Variants in TULP2 observed in about 807,000 individuals in gnomAD.
TULP2 encodes tubby-related protein 2.
A neutral mutation model predicts 60.3 loss-of-function variants in TULP2; 64 were observed. The ratio of observed to expected loss-of-function variants is 1.06; its 90% CI spans 0.87 to 1.31. The LOEUF is 1.31. TULP2 is among the 50% of genes most tolerant of loss of function. The pLI is 0.00. For missense variants in TULP2, 652 were observed against 667.0 expected (o/e 0.98, Z 0.25); for synonymous variants, 267 against 265.4 (o/e 1.01, Z -0.06).
chr19:48,891,317 C>G (rs1228696981), intron 6 of TULP2, among the ~76,000 whole-genome samples: 6 of 86,394 alleles, frequency 6.9e-5, no homozygotes, highest in Non-Finnish European at 1.4e-4. Context: ...GGGCGAGACT[C>G]CGTCTCAAAA....
chr19:48,881,169 A>G (rs990552335), intron 12 of TULP2, 43 bp from the exon 13 acceptor site: 1 of 1,242,894 alleles, frequency 8.0e-7, no homozygotes. Context: ...TGACTCTCTC[A>G]TCTCCCAGCT....
At chr19:48,894,399 T>G (rs1004956454) in intron 6 of TULP2, among the ~76,000 whole-genome samples, 48 of 152,114 alleles carry the variant, frequency 3.2e-4, no homozygotes, top group African/African-American at 1.2e-3. Context: ...TCCCAGCACT[T>G]TGGGAGGCTG....
At chr19:48,887,392 A>G (rs890495241) in intron 8 of TULP2, among the ~76,000 whole-genome samples, 4 of 128,152 alleles carry the variant, frequency 3.1e-5, no homozygotes, top group Admixed American at 9.6e-5. Context: ...TAGCGTGATC[A>G]CATCTCACTG....
In TULP2 at chr19:48,885,504, G is replaced by A; in HGVS notation, c.1005C>T (p.Ile335=). Residue 335 remains isoleucine, a synonymous_variant, in exon 9 of 13, where the codon ATC becomes ATT. Coordinates refer to ENST00000221399, the MANE Select transcript of TULP2 (RefSeq NM_003323.3). ...RRRSKTSNYL[I]SLDPTHLSRD... ...GAGATAGGTGTGTAGGATCCAGGGA[G>A]ATGAGGTAATTAGAAGTTTTGCTCC... The A allele has an allele frequency of 1.2e-6, 2 of 1,614,018 alleles. No individual in the cohort carries two copies. The highest frequency in any genetic ancestry group is 1.7e-6 in the Non-Finnish European group (2 of 1,179,942).
At position 48,890,535 on chromosome 19, in the gene TULP2, C is replaced by T. The variant is rs9676270; in HGVS notation, c.515-904G>A. 2.3e-5 allele frequency among the ~76,000 whole-genome samples: 3 copies of T among 128,170 alleles called. No homozygotes were observed. In the Admixed American group the frequency reaches 2.3e-4, roughly 10 times the overall value. 84.1% of individuals were successfully genotyped at this position (128,170 alleles called of 152,430 possible). ...CTATACTTTGTCTCTGTGTCTTTTT[C>T]TTTTCCAAGTCTCTCGTTCCACCTA... is the stretch of plus-strand genomic sequence containing the variant. On this transcript the variant is annotated intron_variant, in intron 6 of 12. Coordinates refer to ENST00000221399, the MANE Select transcript of TULP2 (RefSeq NM_003323.3).
rs544436541 is a variant in TULP2 at position 48,881,161 on chromosome 19, ACTCT to A, written c.1448-39_1448-36del. 2.9e-5 allele frequency: 38 copies of A among 1,309,166 alleles called. 1 individual carries two copies. The South Asian group carries it at 5.1e-4, about 18-fold the overall frequency. The allele number at this position is 1,309,166 out of a possible 1,614,324, so 81.1% of individuals were successfully genotyped here. On this transcript the variant is annotated intron_variant, in intron 12 of 12. Coordinates refer to ENST00000221399, the MANE Select transcript of TULP2 (RefSeq NM_003323.3). ...GAATCAGGAACAAAGCCTTAGCCTG[ACTCT>A]CTCATCTCCCAGCTTCGAGAACTGA...
intron 6 of TULP2, among the ~76,000 whole-genome samples, chr19:48,891,888 A>G (rs1009658454): frequency 6.6e-6 from 1 of 152,224 alleles, no homozygotes; most frequent in Non-Finnish European, 1.5e-5. Context: ...ACTCTGTGTC[A>G]TAAATAAGTT....
Position 48,897,464 on chromosome 19 carries a change from TC to T in TULP2, c.33-69del. 6.6e-7 allele frequency: 1 copy of T among 1,522,140 alleles called. No individual in the cohort carries two copies. 94.3% of individuals were successfully genotyped at this position (1,522,140 alleles called of 1,614,324 possible). Reference sequence around the variant, plus strand: ...TCGGTTGCCCAAGAGAGTCCCTCCTTCCCCCATCCTGCCCCTATCTCAGCTT... The same window carrying T: ...TCGGTTGCCCAAGAGAGTCCCTCCTTCCCCATCCTGCCCCTATCTCAGCTT... On this transcript the variant is annotated intron_variant, in intron 2 of 12. Transcript: ENST00000221399. This position sits in a 1 kb window ranked among gnomAD's most constrained non-coding sequence, Gnocchi z 4.0.
intron 6 of TULP2, 43 bp downstream of exon 6, chr19:48,894,955 A>C: frequency 6.3e-7 from 1 of 1,583,140 alleles, no homozygotes; most frequent in Non-Finnish European, 8.6e-7. Context: ...TTGCTGCATG[A>C]ACCAGGAGAT....
intron 7 of TULP2, among the ~76,000 whole-genome samples, chr19:48,889,295 T>G (rs762426080): frequency 2.0e-5 from 3 of 152,148 alleles, no homozygotes; most frequent in Non-Finnish European, 4.4e-5. Flanking sequence ...AATGGCCATG[T>G]CCATGTCAAG....
intron 6 of TULP2, among the ~76,000 whole-genome samples, chr19:48,892,189 G>A (rs2037239192): frequency 6.6e-6 from 1 of 152,196 alleles, no homozygotes; most frequent in Non-Finnish European, 1.5e-5. Context: ...CGGGCTGGGG[G>A]ACCGTCAGGT....
At chr19:48,889,921 A>G (rs961826157) in intron 6 of TULP2, among the ~76,000 whole-genome samples, 1 of 152,220 alleles carries the variant, frequency 6.6e-6, no homozygotes, top group Admixed American at 6.5e-5. Flanking sequence ...CCAGGGACAC[A>G]AACACCGCGG....
intron 9 of TULP2, among the ~76,000 whole-genome samples, 197 bp from the exon 10 acceptor site, chr19:48,884,243 A>G (rs1464568187): frequency 2.7e-5 from 4 of 149,994 alleles, no homozygotes; most frequent in African/African-American, 9.8e-5. Context: ...GCAGGAGGAT[A>G]GCTTGAGCCT....
chr19:48,887,749 G>T (rs893648276), intron 8 of TULP2, among the ~76,000 whole-genome samples: 8 of 152,062 alleles, frequency 5.3e-5, no homozygotes, highest in Admixed American at 1.3e-4. Flanking sequence ...GTGGAGACGG[G>T]GTTTCACCAT....
At position 48,895,359 on chromosome 19, in the gene TULP2, C is replaced by T. The variant is rs201689551; in HGVS notation, c.349+7G>A. On this transcript the variant is annotated splice_region_variant and intron_variant, in intron 5 of 12. Transcript: ENST00000221399. ...GGGGTCTAGGAGGTCGGTGGACTCG[C>T]AAATACCTGCTTCTGTCCGCGGTGT... 5.0e-6 allele frequency: 8 copies of T among 1,613,116 alleles called. No homozygotes were observed. The highest frequency in any genetic ancestry group is 6.8e-6 in the Non-Finnish European group (8 of 1,179,480).
In TULP2 at chr19:48,897,973, T is replaced by G. The variant is rs112968538; in HGVS notation, c.-1-104A>C. On this transcript the variant is annotated intron_variant, in intron 1 of 12. Transcript: ENST00000221399. The surrounding 1 kb of genome is among the most constrained non-coding windows in gnomAD (Gnocchi z 4.0). ...CTTATTTATTTATTTATTTATTTAT[T>G]TATTTATGTATTTAGAGACAGCTGA... 13 of 954,970 alleles carry G rather than the reference T, an allele frequency of 1.4e-5. No homozygotes were observed. Among genetic ancestry groups the G allele is most frequent in the Non-Finnish European group, 1.7e-5 (12 of 710,814 alleles). 59.2% of individuals were successfully genotyped at this position (954,970 alleles called of 1,614,324 possible).
Position 48,897,815 on chromosome 19 carries a change from A to C in TULP2, c.32+22T>G. 1.2e-5 allele frequency: 19 copies of C among 1,612,898 alleles called. No individual in the cohort carries two copies. Among genetic ancestry groups the C allele is most frequent in the Non-Finnish European group, 1.6e-5 (19 of 1,179,538 alleles). Reference sequence around the variant, plus strand: ...CCCAGCCCTTTCCACCTCCACCCCTACCCATCTGTTTCCCTACTCACTCTC... The same window carrying C: ...CCCAGCCCTTTCCACCTCCACCCCTCCCCATCTGTTTCCCTACTCACTCTC... On this transcript the variant is annotated intron_variant, in intron 2 of 12. Transcript: ENST00000221399. The surrounding 1 kb of genome is among the most constrained non-coding windows in gnomAD (Gnocchi z 4.0).
intron 4 of TULP2, 47 bp from the exon 5 acceptor site, chr19:48,895,550 G>T: frequency 6.4e-7 from 1 of 1,568,742 alleles, no homozygotes; most frequent in Non-Finnish European, 8.7e-7. Flanking sequence ...ACAAATTCCG[G>T]TCCTCAACCA....
chr19:48,887,074 G>A (rs1050410628), intron 8 of TULP2, among the ~76,000 whole-genome samples: 4 of 145,680 alleles, frequency 2.7e-5, no homozygotes, highest in Non-Finnish European at 6.0e-5. Flanking sequence ...GCAGTGGTGT[G>A]AGATCTCAGC....
Sources: gnomAD v4.1 joint callset for allele counts (sites outside exome capture counted in the v4.1 genomes callset) on GRCh38, gnomAD v4.1.1 for gene constraint, Gnocchi (gnomAD v3.1) non-coding constraint, MANE v1.5 for transcripts, NCBI Gene and HGNC (gene_info 2026-07-23, HGNC 2026-07-21) for gene names.